Variants in RAB27A observed in about 807,000 individuals in gnomAD.
RAB27A encodes the protein ras-related protein Rab-27A.
Under a neutral mutation model 20.8 loss-of-function variants are expected in RAB27A, and 17 were observed. That is an observed-to-expected ratio of 0.82 (90% CI 0.56 to 1.23). The LOEUF (loss-of-function observed/expected upper bound fraction) is 1.23, where lower values mean the gene tolerates loss of function less well. Ranked by LOEUF, RAB27A falls within the 50% of genes most tolerant of loss-of-function variation. The pLI is 0.00. For missense variants in RAB27A, 277 were observed against 266.7 expected (o/e 1.04, Z -0.27); for synonymous variants, 85 against 92.8 (o/e 0.92, Z 0.48).
intron 1 of RAB27A, among the ~76,000 whole-genome samples, chr15:55,287,550 C>A (rs915060446): frequency 6.6e-6 from 1 of 151,886 alleles, no homozygotes; most frequent in Non-Finnish European, 1.5e-5. Context: ...GAGTCCGAGA[C>A]CAGCCTGACC....
At chr15:55,291,129 G>C (rs761636392), upstream of RAB27A, among the ~76,000 whole-genome samples, 2 of 152,158 alleles carry the variant, frequency 1.3e-5, no homozygotes, top group African/African-American at 4.8e-5. Context: ...GTAAACTCGG[G>C]TTTAGAGATA....
intron 2 of RAB27A, among the ~76,000 whole-genome samples, chr15:55,244,937 T>C (rs930059878): frequency 1.3e-5 from 2 of 152,172 alleles, no homozygotes; most frequent in Admixed American, 1.3e-4. Context: ...TTTGTTTTAT[T>C]TTGTTTTTGT....
At chr15:55,218,808 T>G (rs1282105399) in intron 6 of RAB27A, among the ~76,000 whole-genome samples, 2 of 151,758 alleles carry the variant, frequency 1.3e-5, no homozygotes, top group Non-Finnish European at 2.9e-5. Context: ...AATGGTGTGA[T>G]CTTGGCTCAC....
intron 1 of RAB27A, among the ~76,000 whole-genome samples, chr15:55,279,877 C>A (rs538799291): frequency 2.7e-4 from 41 of 152,282 alleles, no homozygotes; most frequent in Middle Eastern, 6.8e-3. Flanking sequence ...GCAGCCTTAA[C>A]CAGCGATTGA....
chr15:55,236,028 G>C (rs1896242447), intron 2 of RAB27A, among the ~76,000 whole-genome samples: 2 of 151,934 alleles, frequency 1.3e-5, no homozygotes, highest in Admixed American at 1.3e-4. Context: ...GTGGGAGGCG[G>C]GTGAGGGATA....
intron 1 of RAB27A, among the ~76,000 whole-genome samples, chr15:55,318,098 C>CTTTTTT (rs200901102): frequency 7.6e-6 from 1 of 131,422 alleles, no homozygotes. Context: ...CATACTTTTT[C>CTTTTTT]TTTTTTTTTT....
intron 6 of RAB27A, among the ~76,000 whole-genome samples, chr15:55,206,570 T>A (rs1894662630): frequency 6.6e-6 from 1 of 152,154 alleles, no homozygotes. Context: ...TTCGAACTCC[T>A]GAGCTCAAGC....
chr15:55,235,782 A>AT (rs1212487013), intron 2 of RAB27A, among the ~76,000 whole-genome samples: 3 of 152,064 alleles, frequency 2.0e-5, no homozygotes, highest in Admixed American at 6.5e-5. Context: ...GTACACCACA[A>AT]TTTTTTTATC....
chr15:55,224,124 G>T, intron 5 of RAB27A, 112 bp from the exon 6 acceptor site: 1 of 795,826 alleles, frequency 1.3e-6, no homozygotes, highest in Non-Finnish European at 2.0e-6. Context: ...TAGATATTGG[G>T]AATTGACATA....
intron 2 of RAB27A, among the ~76,000 whole-genome samples, chr15:55,246,419 GCTTTT>G (rs1455422216): frequency 5.5e-5 from 7 of 128,016 alleles, no homozygotes; most frequent in Non-Finnish European, 1.0e-4. Flanking sequence ...TGAGATATCG[GCTTTT>G]TTTTTTAATT....
At chr15:55,291,240 G>A (rs1898296959), upstream of RAB27A, among the ~76,000 whole-genome samples, 1 of 152,180 alleles carries the variant, frequency 6.6e-6, no homozygotes, top group Admixed American at 6.5e-5. Flanking sequence ...GCCGGGTTAG[G>A]TGGCTCACGC....
chr15:55,253,545 G>A (rs1318203393), intron 2 of RAB27A, among the ~76,000 whole-genome samples: 1 of 152,212 alleles, frequency 6.6e-6, no homozygotes, highest in East Asian at 1.9e-4. Context: ...CAAGCATCCA[G>A]GTTAGAACTT....
rs571756142 is a variant in RAB27A at position 55,220,237 on chromosome 15, GTTTT to G, written c.467+3648_467+3651del. 6.6e-5 allele frequency among the ~76,000 whole-genome samples: 10 copies of G among 150,652 alleles called. No homozygotes were observed. In the East Asian group the frequency reaches 1.4e-3, roughly 20 times the overall value. On this transcript the variant is annotated intron_variant, in intron 6 of 6. Transcript: ENST00000336787. ...ACCAATTGTAAACCAATGATCTGGG[GTTTT>G]TTTGTTTGTTTGTTTGTTTTTGTTT...
chr15:55,317,926 T>C (rs2055065055), intron 1 of RAB27A: 1 of 384,838 alleles, frequency 2.6e-6, no homozygotes, highest in Non-Finnish European at 4.6e-6. Context: ...TTAAAAGATG[T>C]TATGTCACTA....
chr15:55,232,743 C>T (rs1896082040), intron 3 of RAB27A, among the ~76,000 whole-genome samples: 1 of 152,112 alleles, frequency 6.6e-6, no homozygotes, highest in Admixed American at 6.6e-5. Flanking sequence ...ATAATAAGCA[C>T]CAGTAAAAAT....
intron 2 of RAB27A, among the ~76,000 whole-genome samples, chr15:55,301,770 T>G (rs2054973085): frequency 6.6e-6 from 1 of 150,714 alleles, no homozygotes; most frequent in African/African-American, 2.4e-5. Flanking sequence ...CTCAACGTCC[T>G]GAGTAGCTGG....
intron 2 of RAB27A, among the ~76,000 whole-genome samples, chr15:55,309,911 G>A (rs1352951275): frequency 1.3e-5 from 2 of 151,956 alleles, no homozygotes; most frequent in African/African-American, 4.8e-5. Flanking sequence ...TTGGGCCTCG[G>A]GTCTAAGGGG....
chr15:55,302,263 CG>C (rs1410440540), intron 2 of RAB27A, among the ~76,000 whole-genome samples: 1 of 151,860 alleles, frequency 6.6e-6, no homozygotes, highest in East Asian at 1.9e-4. Flanking sequence ...TTGGTGGAGA[CG>C]GGGTTTCGCT....
intron 2 of RAB27A, among the ~76,000 whole-genome samples, chr15:55,252,407 C>G (rs1474278806): frequency 6.6e-6 from 1 of 151,810 alleles, no homozygotes; most frequent in Admixed American, 6.6e-5. Flanking sequence ...AGTTCAACAG[C>G]CTGGCCAACA....
Sources: gnomAD v4.1 joint callset for allele counts (sites outside exome capture counted in the v4.1 genomes callset) on GRCh38, gnomAD v4.1.1 for gene constraint, MANE v1.5 for transcripts, NCBI Gene and HGNC (gene_info 2026-07-23, HGNC 2026-07-21) for gene names.